GPC6: variants seen among roughly 807,000 people sequenced by gnomAD.
The protein encoded by GPC6 is glypican 6, also known as glypican-6.
A neutral mutation model predicts 55.2 loss-of-function variants in GPC6; 14 were observed. The ratio of observed to expected loss-of-function variants is 0.25; its 90% CI spans 0.17 to 0.40. GPC6 has a LOEUF of 0.40. Ranked by LOEUF, GPC6 falls within the 10% of genes least tolerant of loss-of-function variation. GPC6 has a pLI of 1.00. For synonymous variants in GPC6, 278 were observed against 259.6 expected, an observed-to-expected ratio of 1.07 and a Z score of -0.68; for missense variants, 641 against 708.5, an observed-to-expected ratio of 0.90 and a Z score of 1.08.
At chr13:93,439,283 A>T (rs943866643) in intron 1 of GPC6, among the ~76,000 whole-genome samples, 7 of 152,112 alleles carry the variant, frequency 4.6e-5, no homozygotes, top group Non-Finnish European at 1.0e-4. Context: ...CTCATCCTGA[A>T]TTGGAGCTCC....
intron 1 of GPC6, among the ~76,000 whole-genome samples, chr13:93,306,000 A>G (rs1056296613): frequency 3.9e-5 from 6 of 152,204 alleles, no homozygotes; most frequent in Non-Finnish European, 8.8e-5. Flanking sequence ...CTTGTTTCCC[A>G]TGTAAATGAA....
chr13:93,434,422 C>T (rs1453353875), intron 1 of GPC6, among the ~76,000 whole-genome samples: 1 of 152,034 alleles, frequency 6.6e-6, no homozygotes, highest in Non-Finnish European at 1.5e-5. Flanking sequence ...AAAACATTGT[C>T]TCCCCCAATT....
chr13:93,609,500 A>T (rs1013218027), intron 2 of GPC6, among the ~76,000 whole-genome samples: 7 of 152,226 alleles, frequency 4.6e-5, no homozygotes, highest in Non-Finnish European at 1.5e-5. Context: ...GGCCTCTCAC[A>T]GTGCTGGGAT....
chr13:94,012,434 C>G (rs946380191), intron 3 of GPC6, among the ~76,000 whole-genome samples: 3 of 152,146 alleles, frequency 2.0e-5, no homozygotes, highest in Non-Finnish European at 4.4e-5. Context: ...GTGCTAACAA[C>G]TAGGTGGTCC....
intron 2 of GPC6, among the ~76,000 whole-genome samples, chr13:93,792,563 A>G (rs560657244): frequency 5.9e-5 from 9 of 152,310 alleles, no homozygotes; most frequent in African/African-American, 2.2e-4. Context: ...CACACACCTC[A>G]GCCTCCCAAA....
intron 1 of GPC6, among the ~76,000 whole-genome samples, chr13:93,233,968 A>G (rs1442628950): frequency 6.6e-6 from 1 of 152,226 alleles, no homozygotes; most frequent in Non-Finnish European, 1.5e-5. Context: ...TCAAGTTTCT[A>G]CACATCCAGT....
chr13:93,227,403 G>A lies in GPC6; in HGVS notation c.-54G>A. On this transcript the variant is annotated 5_prime_UTR_variant, in exon 1 of 9. Coordinates refer to ENST00000377047, the MANE Select transcript of GPC6 (RefSeq NM_005708.5). The surrounding 1 kb of genome is among the most constrained non-coding windows in gnomAD (Gnocchi z 4.3). ...GGCGGGCTTTCGGCTTGAGGGGCAA[G>A]GTGAAGAGCGCACCGGCCGTGGGGT... The A allele has an allele frequency of 6.3e-7, 1 of 1,591,766 alleles. No individual in the cohort carries two copies. Among genetic ancestry groups the A allele is most frequent in the Non-Finnish European group, 8.6e-7 (1 of 1,161,932 alleles).
chr13:93,357,147 CAG>C (rs1435891733), intron 1 of GPC6, among the ~76,000 whole-genome samples: 1 of 152,168 alleles, frequency 6.6e-6, no homozygotes, highest in Non-Finnish European at 1.5e-5. Flanking sequence ...TTCCCTCAAG[CAG>C]AGTGAATCAC....
intron 3 of GPC6, among the ~76,000 whole-genome samples, chr13:93,939,567 T>A (rs1378095332): frequency 6.6e-6 from 1 of 152,090 alleles, no homozygotes; most frequent in Non-Finnish European, 1.5e-5. Context: ...CAATTATTTA[T>A]CTCAGTTCAT....
Position 93,227,451 on chromosome 13 carries a change from T to G in GPC6, c.-6T>G, listed in dbSNP as rs762675750. On this transcript the variant is annotated 5_prime_UTR_variant, in exon 1 of 9. Transcript: ENST00000377047. The surrounding 1 kb of genome is among the most constrained non-coding windows in gnomAD (Gnocchi z 4.3). ...GGTTTACCGAGCTGGATTTGTATGT[T>G]GCACCATGCCTTCTTGGATCGGGGC... 2.5e-6 allele frequency: 4 copies of G among 1,613,740 alleles called. No homozygotes were observed. The highest frequency in any genetic ancestry group is 3.4e-6 in the Non-Finnish European group (4 of 1,179,718).
chr13:93,339,410 C>T (rs1880159557), intron 1 of GPC6, among the ~76,000 whole-genome samples: 1 of 149,708 alleles, frequency 6.7e-6, no homozygotes, highest in Non-Finnish European at 1.5e-5. Flanking sequence ...CGTATACTTG[C>T]CATCAAGTGC....
intron 1 of GPC6, among the ~76,000 whole-genome samples, chr13:93,340,485 T>C (rs909207411): frequency 5.3e-5 from 8 of 152,116 alleles, no homozygotes; most frequent in African/African-American, 1.9e-4. Flanking sequence ...AAGAAAGTAA[T>C]TTTGGATAAT....
chr13:93,301,484 G>A (rs1013909961), intron 1 of GPC6, among the ~76,000 whole-genome samples: 1 of 152,216 alleles, frequency 6.6e-6, no homozygotes, highest in Non-Finnish European at 1.5e-5. Context: ...TCTTGCATTA[G>A]CTATGCTGAG....
intron 3 of GPC6, among the ~76,000 whole-genome samples, chr13:93,967,243 A>G (rs539591398): frequency 6.6e-6 from 1 of 152,320 alleles, no homozygotes; most frequent in South Asian, 2.1e-4. Flanking sequence ...TGACATTTTC[A>G]GTCAGAAGTT....
chr13:93,774,899 A>G (rs987634386), intron 2 of GPC6, among the ~76,000 whole-genome samples: 1 of 152,126 alleles, frequency 6.6e-6, no homozygotes, highest in Non-Finnish European at 1.5e-5. Flanking sequence ...GCTTCAGGAA[A>G]GTCTTCTTTT....
intron 3 of GPC6, among the ~76,000 whole-genome samples, chr13:93,917,285 A>G (rs1877339545): frequency 6.6e-6 from 1 of 152,288 alleles, no homozygotes; most frequent in Non-Finnish European, 1.5e-5. Context: ...CTCTTATGAA[A>G]ACTTAGTCAG....
At chr13:93,828,971 T>C (rs961996177) in intron 2 of GPC6, among the ~76,000 whole-genome samples, 5 of 152,130 alleles carry the variant, frequency 3.3e-5, no homozygotes, top group Non-Finnish European at 7.4e-5. Context: ...CCTTTCTGTA[T>C]CTTAGCAGAG....
intron 4 of GPC6, among the ~76,000 whole-genome samples, chr13:94,237,214 A>C (rs2139020625): frequency 6.6e-6 from 1 of 152,254 alleles, no homozygotes; most frequent in East Asian, 1.9e-4. Context: ...GGTACAGAGA[A>C]GAGCACTAGG....
intron 4 of GPC6, among the ~76,000 whole-genome samples, chr13:94,160,754 C>A (rs755607559): frequency 6.6e-6 from 1 of 152,054 alleles, no homozygotes; most frequent in Non-Finnish European, 1.5e-5. Context: ...TTCTTCGTTT[C>A]GTTCATGTAT....
Sources: allele counts gnomAD v4.1 joint callset (sites outside exome capture counted in the v4.1 genomes callset), GRCh38; gene constraint gnomAD v4.1.1; non-coding constraint Gnocchi (gnomAD v3.1); transcripts MANE v1.5; gene names NCBI Gene and HGNC (gene_info 2026-07-23, HGNC 2026-07-21).